The following PCDHGB6 variants were observed in gnomAD, a reference collection of about 807,000 sequenced individuals.
PCDHGB6 encodes the protein protocadherin gamma-B6.
PCDHGB6 carries 51 observed loss-of-function variants against 59.1 expected under a neutral mutation model. That is an observed-to-expected ratio of 0.86 (90% CI 0.69 to 1.09). The LOEUF is 1.09. Among genes scored for constraint, PCDHGB6 ranks in the 50% least tolerant of loss-of-function variants. The pLI is 0.00. For missense variants in PCDHGB6, 1,148 were observed against 1,205.1 expected, an observed-to-expected ratio of 0.95 and a Z score of 0.70; for synonymous variants, 466 against 495.1, an observed-to-expected ratio of 0.94 and a Z score of 0.78.
intron 2 of PCDHGB6, among the ~76,000 whole-genome samples, chr5:141,499,099 C>T (rs1031964059): frequency 1.3e-5 from 2 of 152,156 alleles, no homozygotes; most frequent in Non-Finnish European, 2.9e-5. Context: ...ACATGCTTCT[C>T]CTCCCCACCA....
In PCDHGB6 at chr5:141,494,863, C is replaced by A. The variant is rs538734954; in HGVS notation, c.2475C>A (p.Ser825Arg). 17 of 1,614,118 alleles carry A rather than the reference C, an allele frequency of 1.1e-5. No individual in the cohort carries two copies. Among genetic ancestry groups the A allele is most frequent in the Non-Finnish European group, 1.4e-5 (17 of 1,179,994 alleles). Residue 825 changes from serine to arginine, a missense_variant and splice_region_variant, in exon 2 of 4, where the codon AGC becomes AGA. By Grantham distance (110) the Ser-to-Arg change is moderately radical. Transcript: ENST00000520790. ...RFSQAQRPGT[S>R]GSQNGDDTGT... ...CTCAGGCCCAGAGACCCGGCACCAG[C>A]GGGTAGGTGACTGATTCTCCAGCCC...
Position 141,491,711 on chromosome 5 carries a change from C to A in PCDHGB6, c.2419-3096C>A, listed in dbSNP as rs528931820. ...CGGGAGCGGAGCCAGGTGAGGGGCT[C>A]GGCGCCGCCCCGGGCGACCCCTGGG... On this transcript the variant is annotated intron_variant, in intron 1 of 3. Coordinates refer to ENST00000520790, the MANE Select transcript of PCDHGB6 (RefSeq NM_018926.3). The surrounding 1 kb of genome is among the most constrained non-coding windows in gnomAD (Gnocchi z 6.9). 1.3e-4 allele frequency: 217 copies of A among 1,609,356 alleles called. 3 individuals are homozygous for A. In the South Asian group the frequency reaches 2.2e-3, roughly 17 times the overall value.
At chr5:141,433,004 T>G (rs368646186) in intron 1 of PCDHGB6, 48 of 1,614,028 alleles carry the variant, frequency 3.0e-5, no homozygotes, top group Non-Finnish European at 3.4e-5. Context: ...GGTGCAGGCT[T>G]TCCTGCAGAC....
Position 141,511,208 on chromosome 5 carries a change from C to T in PCDHGB6, c.*35C>T, listed in dbSNP as rs1278180818. 27 of 1,610,922 alleles carry T rather than the reference C, an allele frequency of 1.7e-5. No individual in the cohort carries two copies. Among genetic ancestry groups the T allele is most frequent in the Non-Finnish European group, 2.3e-5 (27 of 1,178,572 alleles). ...CAGGCCAAGAGCCACAGGGCGGCCT[C>T]TCCCCAACCAGCCCAGCTTCTCCTT... On this transcript the variant is annotated 3_prime_UTR_variant, in exon 4 of 4. Coordinates refer to ENST00000520790, the MANE Select transcript of PCDHGB6 (RefSeq NM_018926.3).
intron 2 of PCDHGB6, among the ~76,000 whole-genome samples, chr5:141,498,009 C>T (rs1160103624): frequency 6.6e-6 from 1 of 152,146 alleles, no homozygotes; most frequent in African/African-American, 2.4e-5. Context: ...TTACAGTGCA[C>T]TGAAGGAGAC....
At position 141,432,299 on chromosome 5, in the gene PCDHGB6, C is replaced by G; in HGVS notation, c.2418+21679C>G. ...GTCCATCAACTCCGACACTGGGGTA[C>G]TGTATGCGCTGAGCTCCTTCGACTA... is the stretch of plus-strand genomic sequence containing the variant. On this transcript the variant is annotated intron_variant, in intron 1 of 3. Transcript: ENST00000520790. This position sits in a 1 kb window ranked among gnomAD's most constrained non-coding sequence, Gnocchi z 6.0. The G allele has an allele frequency of 2.5e-6, 4 of 1,614,278 alleles. No homozygotes were observed. The highest frequency in any genetic ancestry group is 3.4e-6 in the Non-Finnish European group (4 of 1,180,056).
At position 141,477,811 on chromosome 5, in the gene PCDHGB6, C is replaced by T. The variant is rs1211574518; in HGVS notation, c.2419-16996C>T. The T allele has an allele frequency of 6.2e-7, 1 of 1,614,164 alleles. No homozygotes were observed. The highest frequency in any genetic ancestry group is 8.5e-7 in the Non-Finnish European group (1 of 1,180,026). ...TCACTGATCGCAATGACAATGCCCC[C>T]CAGGTCCTATATCCTCGGCCAGGTG... is the stretch of plus-strand genomic sequence containing the variant. On this transcript the variant is annotated intron_variant, in intron 1 of 3. Transcript: ENST00000520790. The surrounding 1 kb of genome is among the most constrained non-coding windows in gnomAD (Gnocchi z 4.9).
intron 1 of PCDHGB6, among the ~76,000 whole-genome samples, chr5:141,469,317 C>T (rs1354878667): frequency 6.6e-6 from 1 of 152,092 alleles, no homozygotes; most frequent in Non-Finnish European, 1.5e-5. Flanking sequence ...TGGCTCACGC[C>T]TGTAATCCCA....
In PCDHGB6 at chr5:141,485,340, C is replaced by T. The variant is rs139641513; in HGVS notation, c.2419-9467C>T. ...GTCGCTCAAGATTTCCTGCTGGATA[C>T]GGACAGTCTGTCAGCTCGCAGGCTG... is the stretch of plus-strand genomic sequence containing the variant. On this transcript the variant is annotated intron_variant, in intron 1 of 3. Coordinates refer to ENST00000520790, the MANE Select transcript of PCDHGB6 (RefSeq NM_018926.3). This position sits in a 1 kb window ranked among gnomAD's most constrained non-coding sequence, Gnocchi z 5.7. 1.2e-6 allele frequency: 2 copies of T among 1,613,958 alleles called. No individual in the cohort carries two copies. Among genetic ancestry groups the T allele is most frequent in the East Asian group, 2.2e-5 (1 of 44,884 alleles).
Position 141,489,767 on chromosome 5 carries a change from G to T in PCDHGB6, c.2419-5040G>T, listed in dbSNP as rs2099691977. On this transcript the variant is annotated intron_variant, in intron 1 of 3. Transcript: ENST00000520790. This position sits in a 1 kb window ranked among gnomAD's most constrained non-coding sequence, Gnocchi z 4.5. ...AGCTTTTACACTCTAAGCCCCAACA[G>T]CCACTTCTCTCTGAATGTGAAGACC... The T allele has an allele frequency of 6.2e-7, 1 of 1,614,028 alleles. No homozygotes were observed. Among genetic ancestry groups the T allele is most frequent in the African/African-American group, 1.3e-5 (1 of 74,938 alleles).
chr5:141,428,443 G>T (rs1004000862), intron 1 of PCDHGB6: 5 of 383,870 alleles, frequency 1.3e-5, no homozygotes, highest in Non-Finnish European at 2.0e-5. Context: ...TAGACCAGGG[G>T]TTTTTCCCAA....
At chr5:141,436,327 C>T (rs1384222077) in intron 1 of PCDHGB6, among the ~76,000 whole-genome samples, 1 of 152,098 alleles carries the variant, frequency 6.6e-6, no homozygotes, top group Admixed American at 6.5e-5. Flanking sequence ...ACTGTTAGAC[C>T]ATATCTCAAA....
At chr5:141,410,995 T>A in intron 1 of PCDHGB6, 1 of 174,388 alleles carries the variant, frequency 5.7e-6, no homozygotes, top group South Asian at 1.4e-4. Flanking sequence ...CTGGGATTAC[T>A]GGTGCCCCTC....
intron 1 of PCDHGB6, chr5:141,415,978 C>A: frequency 5.7e-6 from 2 of 353,430 alleles, no homozygotes; most frequent in Non-Finnish European, 9.4e-6. Flanking sequence ...CTTAAGCAAC[C>A]CTCTTGTTCT....
rs1220361067 is a variant in PCDHGB6, at chr5:141,408,927, T to C, written c.725T>C (p.Phe242Ser). 5 of 1,613,512 alleles carry C rather than the reference T, an allele frequency of 3.1e-6. No individual in the cohort carries two copies. Among genetic ancestry groups the C allele is most frequent in the African/African-American group, 1.3e-5 (1 of 74,870 alleles). ...VKDTNDNPPV[F>S]SRDEYRISLS... ...GATACCAATGATAACCCCCCGGTTT[T>C]CAGCAGAGACGAATATAGAATTAGT... Residue 242 changes from phenylalanine (F) to serine (S), a missense_variant, in exon 1 of 4, where the codon TTC becomes TCC. Physicochemically the swap from Phe to Ser is radical, Grantham distance 155 (BLOSUM62 -2). Around this residue, in one of 5 missense-constraint regions of PCDHGB6, gnomAD observed 307 missense variants for 323.8 expected, o/e 0.95. Coordinates refer to ENST00000520790, the MANE Select transcript of PCDHGB6 (RefSeq NM_018926.3).
Position 141,511,313 on chromosome 5 carries a change from C to T in PCDHGB6, c.*140C>T. ...CCAAGGCCATGCTCCCCTTGGGAAA[C>T]AGAAACAAGTGCCCAGTCAGCACCT... On this transcript the variant is annotated 3_prime_UTR_variant, in exon 4 of 4. Transcript: ENST00000520790. 2 of 1,482,944 alleles carry T rather than the reference C, an allele frequency of 1.3e-6. No homozygotes were observed. The highest frequency in any genetic ancestry group is 2.3e-5 in the Admixed American group (1 of 43,596). 91.9% of individuals were successfully genotyped at this position (1,482,944 alleles called of 1,614,324 possible).
chr5:141,487,293 C>T lies in PCDHGB6; in HGVS notation c.2419-7514C>T. ...GCAATTTGCTTTGTCTCCTTTGGCT[C>T]ATTCGTGGCACTACTCTCTAAGTGT... is the stretch of plus-strand genomic sequence containing the variant. On this transcript the variant is annotated intron_variant, in intron 1 of 3. Transcript: ENST00000520790. The surrounding 1 kb of genome is among the most constrained non-coding windows in gnomAD (Gnocchi z 5.0). 1 of 1,614,148 alleles carries T rather than the reference C, an allele frequency of 6.2e-7. No individual in the cohort carries two copies. Among genetic ancestry groups the T allele is most frequent in the Non-Finnish European group, 8.5e-7 (1 of 1,180,010 alleles).
intron 1 of PCDHGB6, chr5:141,421,565 A>T (rs1373619696): frequency 1.2e-6 from 2 of 1,613,834 alleles, no homozygotes; most frequent in Admixed American, 3.3e-5. Context: ...CTCGTGGAAG[A>T]CACCTTGAAG....
In PCDHGB6 at chr5:141,453,101, TTTTTG is replaced by T. The variant is rs879618609; in HGVS notation, c.2419-41681_2419-41677del. ...GTTGATTAGTATATTTTCTGTTGCT[TTTTTG>T]TTTTGTTTTGTTTTGTTTTGTTTTT... On this transcript the variant is annotated intron_variant, in intron 1 of 3. Transcript: ENST00000520790. 4.4e-4 allele frequency among the ~76,000 whole-genome samples: 67 copies of T among 152,130 alleles called. 1 individual carries two copies. Among genetic ancestry groups the T allele is most frequent in the African/African-American group, 1.4e-3 (58 of 41,484 alleles).
Sources: allele counts gnomAD v4.1 joint callset (sites outside exome capture counted in the v4.1 genomes callset), GRCh38; gene constraint gnomAD v4.1.1; regional missense constraint gnomAD v4.1.1; non-coding constraint Gnocchi (gnomAD v3.1); transcripts MANE v1.5; gene names NCBI Gene and HGNC (gene_info 2026-07-23, HGNC 2026-07-21).